MOBP: variants seen among roughly 807,000 people sequenced by gnomAD.
MOBP encodes the protein myelin-associated oligodendrocyte basic protein.
In MOBP, 5 loss-of-function variants were observed where a neutral mutation model predicts 15.0. The observed-to-expected ratio is 0.33, with a 90% CI of 0.17 to 0.70. The LOEUF (loss-of-function observed/expected upper bound fraction) is 0.70, where lower values mean the gene tolerates loss of function less well. Among genes scored for constraint, MOBP ranks in the 30% least tolerant of loss-of-function variants. The pLI, the probability that MOBP is intolerant of heterozygous loss-of-function variation, is 0.67. For synonymous variants in MOBP, 88 were observed against 99.0 expected (o/e 0.89, Z 0.66); for missense variants, 188 against 257.8 (o/e 0.73, Z 1.85).
chr3:39,526,862 C>T (rs1384228322), downstream of MOBP: 1 of 136,688 alleles, frequency 7.3e-6, no homozygotes, highest in Non-Finnish European at 1.5e-5. Context: ...CTGCAATCTT[C>T]ACCTCCCGGG....
At chr3:39,489,223 C>A (rs998395306) in intron 2 of MOBP, among the ~76,000 whole-genome samples, 6 of 152,224 alleles carry the variant, frequency 3.9e-5, no homozygotes, top group African/African-American at 7.2e-5. Context: ...GCCTTCTAAT[C>A]TAAATTTGTC....
intron 4 of MOBP, among the ~76,000 whole-genome samples, chr3:39,511,480 G>T (rs2043118922): frequency 6.6e-6 from 1 of 152,172 alleles, no homozygotes; most frequent in Non-Finnish European, 1.5e-5. Context: ...TTTTGGGTTT[G>T]TCAGGGTGAT....
chr3:39,521,662 TA>T (rs2125675761), intron 3 of MOBP, among the ~76,000 whole-genome samples: 1 of 152,250 alleles, frequency 6.6e-6, no homozygotes, highest in African/African-American at 2.4e-5. Context: ...GCTGACTGGG[TA>T]AAAAATGAAA....
chr3:39,505,161 G>A (rs2043032410), downstream of MOBP, among the ~76,000 whole-genome samples: 1 of 152,222 alleles, frequency 6.6e-6, no homozygotes, highest in African/African-American at 2.4e-5. Flanking sequence ...GGGTTTAACA[G>A]GTATGTCCTG....
rs570445871 is a variant in MOBP at position 39,521,005 on chromosome 3, G to C, written c.*259-3238G>C. 1.4e-3 allele frequency among the ~76,000 whole-genome samples: 210 copies of C among 151,334 alleles called. 2 individuals are homozygous for C. The South Asian group carries it at 0.014, about 10-fold the overall frequency. On this transcript the variant is annotated intron_variant and NMD_transcript_variant, in intron 3 of 4. Transcript: ENST00000424090. ...TCTGTTACTCAGGCTGGAGTGCAGT[G>C]GCACAATCTCGGCTCACTGCAACAA...
At chr3:39,469,026 A>ATACATACATATATACATATGTGTGTG in intron 1 of MOBP, among the ~76,000 whole-genome samples, 1 of 40,608 alleles carries the variant, frequency 2.5e-5, no homozygotes, top group South Asian at 7.0e-4. Context: ...ATATGTGTGT[A>ATACATACATATATACATATGTGTGTG]TATATATACA....
At chr3:39,476,816 T>C (rs79077098) in intron 1 of MOBP, among the ~76,000 whole-genome samples, 11,760 of 152,152 alleles carry the variant, frequency 0.077, 720 homozygotes, top group East Asian at 0.16. Context: ...CATTTTGTCA[T>C]ACATTATGCT....
downstream of MOBP, chr3:39,527,342 G>A (rs915273412): frequency 6.6e-6 from 1 of 151,904 alleles, no homozygotes; most frequent in Non-Finnish European, 1.5e-5. Flanking sequence ...AAATTAGGGA[G>A]CTCAAATGGA....
chr3:39,490,082 ACTTAT>A (rs1298194660), intron 2 of MOBP, among the ~76,000 whole-genome samples: 5 of 152,110 alleles, frequency 3.3e-5, no homozygotes, highest in East Asian at 1.9e-4. Flanking sequence ...AGATCTCCCC[ACTTAT>A]CTTCTCTTCT....
downstream of MOBP, chr3:39,527,503 G>T (rs117901112): frequency 6.9e-6 from 1 of 145,750 alleles, no homozygotes; most frequent in African/African-American, 2.6e-5. Flanking sequence ...GCAATGGCAC[G>T]CAATCTCAGC....
In MOBP at chr3:39,469,162, G is replaced by A. The variant is rs866910206; in HGVS notation, c.-89+1422G>A. On this transcript the variant is annotated intron_variant, in intron 1 of 3. Transcript: ENST00000684792. ...TATATACATATATACATATGTGTGTGTGTATACATATATACATGTGTGTGT... is the reference window on the plus strand; with the variant it reads ...TATATACATATATACATATGTGTGTATGTATACATATATACATGTGTGTGT... 2.1e-3 allele frequency among the ~76,000 whole-genome samples: 147 copies of A among 69,846 alleles called. 44 individuals are homozygous for A. The African/African-American group carries it at 0.029, about 14-fold the overall frequency. 45.8% of individuals were successfully genotyped at this position (69,846 alleles called of 152,430 possible).
chr3:39,491,009 C>T (rs1459877915), intron 2 of MOBP, among the ~76,000 whole-genome samples: 2 of 152,158 alleles, frequency 1.3e-5, no homozygotes, highest in East Asian at 3.9e-4. Flanking sequence ...CAAGTCTTTT[C>T]TACTTTGTGA....
At chr3:39,468,467 C>T (rs1320197267) in intron 1 of MOBP, among the ~76,000 whole-genome samples, 1 of 152,122 alleles carries the variant, frequency 6.6e-6, no homozygotes, top group Non-Finnish European at 1.5e-5. Flanking sequence ...AGGCTGCTGC[C>T]AGGTGTGCGG....
At chr3:39,475,115 T>C (rs1423961075) in intron 1 of MOBP, among the ~76,000 whole-genome samples, 1 of 152,204 alleles carries the variant, frequency 6.6e-6, no homozygotes, top group African/African-American at 2.4e-5. Flanking sequence ...TCGTTGTCTT[T>C]CATGACCTTT....
downstream of MOBP, among the ~76,000 whole-genome samples, chr3:39,520,770 T>A (rs991390694): frequency 6.6e-6 from 1 of 152,186 alleles, no homozygotes; most frequent in Non-Finnish European, 1.5e-5. Flanking sequence ...TGGCTCCTGA[T>A]ACAGTAAACC....
exon 5 of MOBP, chr3:39,515,984 A>G (rs972836393): frequency 1.3e-5 from 2 of 152,238 alleles, no homozygotes; most frequent in African/African-American, 4.8e-5. Context: ...GTAAGAACCA[A>G]TAAACACTTG....
chr3:39,503,658 T>TTTTATTATTTATTTATTTATTTA (rs10662939), downstream of MOBP, among the ~76,000 whole-genome samples: 9 of 147,890 alleles, frequency 6.1e-5, no homozygotes, highest in African/African-American at 1.7e-4. Flanking sequence ...CTGGCCAATT[T>TTTTATTATTTATTTATTTATTTA]TTTATTTATT....
chr3:39,509,042 A>G (rs2043084967), intron 4 of MOBP, among the ~76,000 whole-genome samples: 2 of 151,454 alleles, frequency 1.3e-5, no homozygotes, highest in African/African-American at 2.4e-5. Flanking sequence ...GTTTATATGT[A>G]TGTGCATATA....
chr3:39,513,842 C>T (rs2043155755), exon 5 of MOBP: 1 of 178,272 alleles, frequency 5.6e-6, no homozygotes, highest in African/African-American at 2.4e-5. Flanking sequence ...CTGAGCTCAA[C>T]TTTTAATTTT....
Sources: allele counts gnomAD v4.1 joint callset (sites outside exome capture counted in the v4.1 genomes callset), GRCh38; gene constraint gnomAD v4.1.1; transcripts MANE v1.5; gene names NCBI Gene and HGNC (gene_info 2026-07-23, HGNC 2026-07-21).